The following TAB2 variants were observed in gnomAD, a reference collection of about 807,000 sequenced individuals.
The protein encoded by TAB2 is TGF-beta activated kinase 1 (MAP3K7) binding protein 2.
A neutral mutation model predicts 65.0 loss-of-function variants in TAB2; 3 were observed. That is an observed-to-expected ratio of 0.05 (90% CI 0.02 to 0.12). The LOEUF is 0.12. Among genes scored for constraint, TAB2 ranks in the 10% least tolerant of loss-of-function variants. The pLI is 1.00. For missense variants in TAB2, 623 were observed against 840.3 expected (o/e 0.74, Z 3.20); for synonymous variants, 298 against 285.1 (o/e 1.05, Z -0.46).
Position 149,228,860 on chromosome 6 carries a change from C to T in TAB2, c.-121+10084C>T, listed in dbSNP as rs371598980. Reference sequence around the variant, plus strand: ...TAGTCAAGCAAGATGGATGTGTGTGCGTGCATGCATGTGTGTGTGTGAGTG... The same window carrying T: ...TAGTCAAGCAAGATGGATGTGTGTGTGTGCATGCATGTGTGTGTGTGAGTG... On this transcript the variant is annotated intron_variant, in intron 1 of 1. Coordinates refer to the TAB2 transcript ENST00000606202. Among the ~76,000 whole-genome samples the T allele has an allele frequency of 2.1e-4, 32 of 152,328 alleles. No homozygotes were observed. In the South Asian group the frequency reaches 6.2e-3, roughly 30 times the overall value.
At position 149,410,248 on chromosome 6, in the gene TAB2, C is replaced by T. The variant is rs1782803539; in HGVS notation, c.*529C>T. Reference sequence around the variant, plus strand: ...TGGCCTTGTCTTTGTCTTCCCTGAACGTGTCTCCACTCTGTGAAGCCAGCA... The same window carrying T: ...TGGCCTTGTCTTTGTCTTCCCTGAATGTGTCTCCACTCTGTGAAGCCAGCA... On this transcript the variant is annotated 3_prime_UTR_variant, in exon 7 of 7. Transcript: ENST00000637181. 5.9e-6 allele frequency: 1 copy of T among 168,386 alleles called. No individual in the cohort carries two copies. Among genetic ancestry groups the T allele is most frequent in the Non-Finnish European group, 1.3e-5 (1 of 77,418 alleles). The allele number at this position is 168,386 out of a possible 1,614,324, so 10.4% of individuals were successfully genotyped here.
rs185977257 is a variant in TAB2, at chr6:149,385,156, A to G, written c.1603+5638A>G. On this transcript the variant is annotated intron_variant, in intron 3 of 6. Transcript: ENST00000637181. ...TGTTTCTCATTCCTTACCATTTTTC[A>G]CTAGTACATCTATCCAAATCACAAC... Among the ~76,000 whole-genome samples the G allele has an allele frequency of 7.4e-3, 1,127 of 152,284 alleles. 15 individuals are homozygous for G. The highest frequency in any genetic ancestry group is 0.026 in the African/African-American group (1,088 of 41,564).
At chr6:149,260,223 C>T (rs1657469986) in intron 1 of TAB2, among the ~76,000 whole-genome samples, 1 of 152,250 alleles carries the variant, frequency 6.6e-6, no homozygotes, top group South Asian at 2.1e-4. Flanking sequence ...CCTGGCATCA[C>T]TCTCCTTTGC....
chr6:149,320,293 T>A (rs1213587446), intron 1 of TAB2, among the ~76,000 whole-genome samples: 4 of 152,102 alleles, frequency 2.6e-5, no homozygotes, highest in Non-Finnish European at 5.9e-5. Flanking sequence ...GCCTGGCTGG[T>A]CTCGAACTCC....
chr6:149,405,709 C>T lies in TAB2; in HGVS notation c.1940-3868C>T, dbSNP rs146247679. Among the ~76,000 whole-genome samples the T allele has an allele frequency of 2.6e-5, 4 of 152,204 alleles. No homozygotes were observed. The East Asian group carries it at 7.7e-4, about 29-fold the overall frequency. ...TTCAAAAATATCAAACTCCTGGAAACAGAGAGCAGAACGGTGGTTACCAGG... is the reference window on the plus strand; with the variant it reads ...TTCAAAAATATCAAACTCCTGGAAATAGAGAGCAGAACGGTGGTTACCAGG... On this transcript the variant is annotated intron_variant, in intron 6 of 6. Transcript: ENST00000637181.
chr6:149,288,669 G>A (rs778138250), intron 1 of TAB2, among the ~76,000 whole-genome samples: 18 of 152,004 alleles, frequency 1.2e-4, no homozygotes, highest in South Asian at 2.1e-4. Flanking sequence ...CACTTTATAA[G>A]TACTAAGCAA....
At chr6:149,377,940 A>G in intron 2 of TAB2, 78 bp from the exon 3 acceptor site, 1 of 1,074,766 alleles carries the variant, frequency 9.3e-7, no homozygotes, top group South Asian at 1.3e-5. Flanking sequence ...TCACTTGGTA[A>G]TCATGTATTT....
chr6:149,229,691 A>G (rs1777362687), intron 1 of TAB2, among the ~76,000 whole-genome samples: 1 of 151,934 alleles, frequency 6.6e-6, no homozygotes, highest in Non-Finnish European at 1.5e-5. Context: ...CACTGTGGAC[A>G]CTCAGACTCT....
At chr6:149,361,564 C>G (rs73779316) in intron 1 of TAB2, among the ~76,000 whole-genome samples, 2 of 152,142 alleles carry the variant, frequency 1.3e-5, no homozygotes, top group Admixed American at 6.5e-5. Flanking sequence ...GAAATGTCTT[C>G]GAGGCCTTTT....
At chr6:149,300,809 C>T (rs1778957206) in intron 1 of TAB2, among the ~76,000 whole-genome samples, 1 of 152,114 alleles carries the variant, frequency 6.6e-6, no homozygotes, top group South Asian at 2.1e-4. Context: ...GGAGTCCATA[C>T]CATTAGTTCT....
At chr6:149,285,818 G>A (rs1778666811) in intron 1 of TAB2, among the ~76,000 whole-genome samples, 1 of 152,148 alleles carries the variant, frequency 6.6e-6, no homozygotes, top group Non-Finnish European at 1.5e-5. Flanking sequence ...TGGAGGACTT[G>A]TTAAAACATG....
chr6:149,310,526 G>T (rs1190135948), intron 1 of TAB2, among the ~76,000 whole-genome samples: 1 of 151,540 alleles, frequency 6.6e-6, no homozygotes, highest in African/African-American at 2.4e-5. Context: ...TGTCTAATTT[G>T]TTTTCTCAAC....
At chr6:149,258,843 T>C (rs1778094533) in intron 1 of TAB2, among the ~76,000 whole-genome samples, 1 of 152,192 alleles carries the variant, frequency 6.6e-6, no homozygotes, top group Admixed American at 6.5e-5. Context: ...CAGCTGACTT[T>C]AAAGTAGGGA....
At chr6:149,313,843 C>G (rs144531987), upstream of TAB2, among the ~76,000 whole-genome samples, 809 of 152,298 alleles carry the variant, frequency 5.3e-3, 7 homozygotes, top group African/African-American at 0.019. Flanking sequence ...GGAATTCAGT[C>G]AGGAGGTGTG....
At chr6:149,228,415 C>T (rs1395828101) in intron 1 of TAB2, among the ~76,000 whole-genome samples, 1 of 152,120 alleles carries the variant, frequency 6.6e-6, no homozygotes, top group East Asian at 1.9e-4. Flanking sequence ...GAACCCTCGG[C>T]CACCAGGGTG....
intron 1 of TAB2, among the ~76,000 whole-genome samples, chr6:149,222,614 T>C (rs1777173418): frequency 2.0e-5 from 2 of 98,498 alleles, no homozygotes; most frequent in African/African-American, 5.1e-5. Flanking sequence ...CGAGACTCTG[T>C]CTCAAAAAAA....
chr6:149,321,228 G>A (rs946217159), intron 1 of TAB2: 4 of 152,134 alleles, frequency 2.6e-5, no homozygotes, highest in African/African-American at 7.2e-5. Context: ...TAAGGATTTG[G>A]AGACATTGAA....
rs186091502 is a variant in TAB2, at chr6:149,249,374, C to T, written c.-121+30598C>T. Among the ~76,000 whole-genome samples, 23 of 152,266 alleles carry T rather than the reference C, an allele frequency of 1.5e-4. No individual in the cohort carries two copies. The East Asian group carries it at 4.4e-3, about 29-fold the overall frequency. On this transcript the variant is annotated intron_variant, in intron 1 of 1. Coordinates refer to the TAB2 transcript ENST00000606202. ...CCCATCAGGACCTACAAATCTAGGA[C>T]CTGCTCTTAGGGACATCTCTAAGCA... is the stretch of plus-strand genomic sequence containing the variant.
chr6:149,310,276 G>A (rs1371718812), intron 1 of TAB2, among the ~76,000 whole-genome samples: 1 of 152,186 alleles, frequency 6.6e-6, no homozygotes, highest in Admixed American at 6.5e-5. Context: ...GGCAGAGGTT[G>A]CAGTGAAGGG....
Sources: gnomAD v4.1 joint callset for allele counts (sites outside exome capture counted in the v4.1 genomes callset) on GRCh38, gnomAD v4.1.1 for gene constraint, MANE v1.5 for transcripts, NCBI Gene and HGNC (gene_info 2026-07-23, HGNC 2026-07-21) for gene names.